The following MTHFD1L variants were observed in gnomAD, a reference collection of about 807,000 sequenced individuals.
MTHFD1L encodes the protein methylenetetrahydrofolate dehydrogenase (NADP+ dependent) 1 like, also known as monofunctional C1-tetrahydrofolate synthase, mitochondrial.
A neutral mutation model predicts 119.5 loss-of-function variants in MTHFD1L; 81 were observed. The observed-to-expected ratio is 0.68, with a 90% CI of 0.57 to 0.82. MTHFD1L has a LOEUF of 0.82. Among genes scored for constraint, MTHFD1L ranks in the 40% least tolerant of loss-of-function variants. The probability of loss-of-function intolerance (pLI) is 0.00; values close to 1 mark genes in which losing one functional copy is unlikely to be tolerated. For missense variants in MTHFD1L, 1,125 were observed against 1,253.4 expected (o/e 0.90, Z 1.55); for synonymous variants, 430 against 475.2 (o/e 0.90, Z 1.24).
chr6:151,015,548 G>A lies in MTHFD1L; in HGVS notation c.2441G>A (p.Cys814Tyr), dbSNP rs1334223917. 6.2e-7 allele frequency: 1 copy of A among 1,614,030 alleles called. No individual in the cohort carries two copies. The highest frequency in any genetic ancestry group is 2.2e-5 in the East Asian group (1 of 44,884). Residue 814 changes from cysteine to tyrosine, a missense_variant, in exon 24 of 28, where the codon TGT (cysteine) becomes TAT (tyrosine). Cys to Tyr is a radical substitution (Grantham distance 194, BLOSUM62 -2). Transcript: ENST00000367321. ...ACCCGCGCTGAGATTGACTTGGTGTGTGAGCTTGCAAAGCGGGCTGGTGCC... is the reference window on the plus strand; with the variant it reads ...ACCCGCGCTGAGATTGACTTGGTGTATGAGCTTGCAAAGCGGGCTGGTGCC... ...TDTRAEIDLV[C>Y]ELAKRAGAFD... is the part of the protein sequence containing the mutation.
intron 11 of MTHFD1L, chr6:150,934,896 C>G: frequency 6.7e-7 from 1 of 1,500,896 alleles, no homozygotes; most frequent in East Asian, 2.3e-5. Flanking sequence ...ATAGCTGGAT[C>G]AGCTACCAAG....
At chr6:150,913,270 C>A (rs1562366554) in intron 8 of MTHFD1L, among the ~76,000 whole-genome samples, 1 of 152,094 alleles carries the variant, frequency 6.6e-6, no homozygotes, top group Non-Finnish European at 1.5e-5. Context: ...ACGCCATTCT[C>A]CTGCTTCAGC....
chr6:150,899,554 T>C (rs568974097), intron 7 of MTHFD1L, among the ~76,000 whole-genome samples: 1 of 152,372 alleles, frequency 6.6e-6, no homozygotes, highest in African/African-American at 2.4e-5. Context: ...TTAACATTCC[T>C]ATTTAATGAT....
chr6:151,051,551 G>A (rs1324836274), intron 26 of MTHFD1L, among the ~76,000 whole-genome samples: 1 of 152,128 alleles, frequency 6.6e-6, no homozygotes, highest in African/African-American at 2.4e-5. Flanking sequence ...TAAACATCTT[G>A]GCTTTTCTTT....
chr6:151,090,990 CATCGTTCCATGCGACTGGGTGCA>C (rs1233512394), intron 26 of MTHFD1L, among the ~76,000 whole-genome samples: 8 of 135,222 alleles, frequency 5.9e-5, no homozygotes, highest in Non-Finnish European at 1.3e-4. Flanking sequence ...CTGGGTGCAG[CATCGTTCCATGCGACTGGGTGCA>C]GCATCGTTCC....
chr6:150,936,282 G>A (rs1792038019), intron 11 of MTHFD1L, among the ~76,000 whole-genome samples: 1 of 152,178 alleles, frequency 6.6e-6, no homozygotes, highest in South Asian at 2.1e-4. Flanking sequence ...TTCAAGCATG[G>A]CAGGGAGAAG....
At chr6:151,018,085 C>G (rs1014651634) in intron 24 of MTHFD1L, among the ~76,000 whole-genome samples, 2 of 152,102 alleles carry the variant, frequency 1.3e-5, no homozygotes, top group African/African-American at 2.4e-5. Context: ...TCTTTGCACC[C>G]GTCTGACATC....
At chr6:150,923,540 T>TATTTATTTATTTATTG (rs57115594) in intron 10 of MTHFD1L, among the ~76,000 whole-genome samples, 1 of 99,142 alleles carries the variant, frequency 1.0e-5, no homozygotes, top group African/African-American at 4.3e-5. Flanking sequence ...TTTATTTATT[T>TATTTATTTATTTATTG]TTTCTTTTTT....
At chr6:151,033,528 T>G (rs907169067) in intron 24 of MTHFD1L, among the ~76,000 whole-genome samples, 4 of 152,244 alleles carry the variant, frequency 2.6e-5, no homozygotes, top group African/African-American at 9.6e-5. Context: ...TGAATCATTC[T>G]TGTTTCTGAA....
chr6:150,943,733 A>C (rs1793521199), intron 13 of MTHFD1L, among the ~76,000 whole-genome samples: 1 of 152,248 alleles, frequency 6.6e-6, no homozygotes, highest in Non-Finnish European at 1.5e-5. Flanking sequence ...GTGAAAAACG[A>C]AACTTGGAAG....
intron 1 of MTHFD1L, among the ~76,000 whole-genome samples, chr6:150,872,125 C>T (rs1583296436): frequency 6.6e-6 from 1 of 150,510 alleles, no homozygotes; most frequent in African/African-American, 2.4e-5. Context: ...ATCCGCCCGC[C>T]TCGGCCTCCC....
At chr6:150,960,917 C>CA (rs1347219870) in intron 18 of MTHFD1L, among the ~76,000 whole-genome samples, 3 of 152,078 alleles carry the variant, frequency 2.0e-5, no homozygotes, top group Non-Finnish European at 4.4e-5. Context: ...ATTATAAAAG[C>CA]AAATCTCTGC....
chr6:151,049,813 C>T (rs1788736821), intron 26 of MTHFD1L, among the ~76,000 whole-genome samples: 1 of 152,162 alleles, frequency 6.6e-6, no homozygotes, highest in Non-Finnish European at 1.5e-5. Flanking sequence ...TCCTGAATCC[C>T]ATAAACCTTC....
intron 8 of MTHFD1L, among the ~76,000 whole-genome samples, chr6:150,909,857 T>C (rs112831435): frequency 5.3e-5 from 8 of 152,266 alleles, no homozygotes; most frequent in African/African-American, 1.9e-4. Context: ...TGAGACTTTC[T>C]CTCGTATGGC....
chr6:150,972,943 T>C (rs1475259926), intron 20 of MTHFD1L, among the ~76,000 whole-genome samples: 3 of 152,184 alleles, frequency 2.0e-5, no homozygotes, highest in South Asian at 4.1e-4. Flanking sequence ...GCAACTCTCA[T>C]AGAGTTTACT....
At chr6:151,046,467 GTGTGTATA>G (rs1310121079) in intron 26 of MTHFD1L, among the ~76,000 whole-genome samples, 2 of 36,102 alleles carry the variant, frequency 5.5e-5, no homozygotes, top group African/African-American at 1.4e-4. Flanking sequence ...TAATATGTGT[GTGTGTATA>G]TATATATATA....
intron 10 of MTHFD1L, among the ~76,000 whole-genome samples, chr6:150,925,367 G>A (rs906733535): frequency 1.3e-5 from 2 of 152,116 alleles, no homozygotes; most frequent in African/African-American, 4.8e-5. Flanking sequence ...CTGAGCACAT[G>A]AGCCCCAGAG....
chr6:150,866,533 G>C, intron 1 of MTHFD1L: 1 of 1,272,192 alleles, frequency 7.9e-7, no homozygotes, highest in Non-Finnish European at 9.9e-7. Context: ...GCCCAGCGCC[G>C]CCCGCGCGAA....
intron 10 of MTHFD1L, among the ~76,000 whole-genome samples, chr6:150,923,009 T>G (rs1263534768): frequency 6.6e-6 from 1 of 152,120 alleles, no homozygotes; most frequent in Non-Finnish European, 1.5e-5. Flanking sequence ...AATATGGTAA[T>G]GTAATATTTG....
Sources: allele counts gnomAD v4.1 joint callset (sites outside exome capture counted in the v4.1 genomes callset), GRCh38; gene constraint gnomAD v4.1.1; transcripts MANE v1.5; gene names NCBI Gene and HGNC (gene_info 2026-07-23, HGNC 2026-07-21).